The following ANTXR2 variants were observed in gnomAD, a reference collection of about 807,000 sequenced individuals.
ANTXR2 encodes the protein ANTXR cell adhesion molecule 2.
Under a neutral mutation model 73.7 loss-of-function variants are expected in ANTXR2, and 44 were observed. The observed-to-expected ratio is 0.60, with a 90% CI of 0.47 to 0.77. ANTXR2 has a LOEUF of 0.77. ANTXR2 is among the 30% of genes least tolerant of loss of function. ANTXR2 has a pLI of 0.00. For missense variants in ANTXR2, 604 were observed against 592.5 expected (o/e 1.02, Z -0.20); for synonymous variants, 217 against 205.9 (o/e 1.05, Z -0.46).
chr4:79,977,664 T>C lies in ANTXR2; in HGVS notation c.1385A>G (p.Gln462Arg). 6.3e-7 allele frequency: 1 copy of C among 1,581,798 alleles called. No individual in the cohort carries two copies. The highest frequency in any genetic ancestry group is 8.6e-7 in the Non-Finnish European group (1 of 1,162,904). Residue 462 changes from glutamine (Q) to arginine (R), a missense_variant, in exon 16 of 17, where the codon CAG becomes CGG. Transcript: ENST00000403729. ...TCGCATCAAAGAAACCCGGTCATAC[T>C]GCCGCCTCAACAAAGCCCAGAGAGC... ...LDALWALLRR[Q>R]YDRVSLMRPQ... is the part of the protein sequence containing the mutation.
At chr4:80,017,008 G>C (rs574701222) in intron 11 of ANTXR2, among the ~76,000 whole-genome samples, 2 of 152,358 alleles carry the variant, frequency 1.3e-5, no homozygotes, top group East Asian at 3.9e-4. Context: ...GCTGCTACTC[G>C]CAAAGTCTGT....
chr4:80,038,980 T>C (rs546578341), intron 7 of ANTXR2, among the ~76,000 whole-genome samples: 1 of 152,204 alleles, frequency 6.6e-6, no homozygotes, highest in South Asian at 2.1e-4. Context: ...GCCTTACACA[T>C]TGTTTTGTGC....
At chr4:80,027,163 G>A (rs1732482941) in intron 10 of ANTXR2, among the ~76,000 whole-genome samples, 1 of 151,926 alleles carries the variant, frequency 6.6e-6, no homozygotes, top group South Asian at 2.1e-4. Context: ...AGAAGCAAAA[G>A]GAATAATGTT....
At chr4:80,070,735 G>C (rs1307007332) in intron 2 of ANTXR2, among the ~76,000 whole-genome samples, 2 of 152,118 alleles carry the variant, frequency 1.3e-5, no homozygotes, top group Non-Finnish European at 2.9e-5. Context: ...AAAATGTTTT[G>C]ATCATCCAAG....
rs1726686147 is a variant in ANTXR2, at chr4:79,901,154, AAAAAAGAACT to A, written c.*6265_*6274del. The A allele has an allele frequency of 2.0e-5, 3 of 152,164 alleles. No individual in the cohort carries two copies. The South Asian group carries it at 6.2e-4, about 32-fold the overall frequency. The allele number at this position is 152,164 out of a possible 1,614,324, so 9.4% of individuals were successfully genotyped here. A position where few individuals can be genotyped will look rare whatever the true frequency, so the allele number is the denominator to read the frequency against. On this transcript the variant is annotated 3_prime_UTR_variant, in exon 17 of 17. Transcript: ENST00000403729. ...AGACTTTCAGAACTAGAGGATATTA[AAAAAAGAACT>A]AAAAAGAACACTTTATTGTGATAAT...
chr4:80,011,313 A>G (rs145579468), intron 11 of ANTXR2, among the ~76,000 whole-genome samples: 8,299 of 116,626 alleles, frequency 0.071, 46 homozygotes, highest in Middle Eastern at 0.13. Flanking sequence ...CTATCTATCT[A>G]TCTGTCTATC....
intron 12 of ANTXR2, among the ~76,000 whole-genome samples, chr4:80,001,683 T>C (rs1731048534): frequency 6.6e-6 from 1 of 150,988 alleles, no homozygotes; most frequent in South Asian, 2.1e-4. Context: ...TGTGGGAGTC[T>C]AAGTCTCTTT....
intron 16 of ANTXR2, among the ~76,000 whole-genome samples, chr4:79,961,165 C>T (rs962232975): frequency 3.3e-5 from 5 of 151,814 alleles, no homozygotes; most frequent in Non-Finnish European, 7.4e-5. Flanking sequence ...GTATTTAACA[C>T]ATGTAGAATA....
chr4:79,962,148 G>A (rs1729169464), intron 16 of ANTXR2, among the ~76,000 whole-genome samples: 1 of 152,070 alleles, frequency 6.6e-6, no homozygotes, highest in South Asian at 2.1e-4. Flanking sequence ...ACTAAGAAAT[G>A]TTATCAAAAA....
chr4:79,947,636 A>G (rs1027512500), intron 16 of ANTXR2, among the ~76,000 whole-genome samples: 4 of 152,130 alleles, frequency 2.6e-5, no homozygotes, highest in Non-Finnish European at 5.9e-5. Context: ...ACTTGCTCTC[A>G]AGAGGCACTA....
chr4:80,029,209 C>T (rs1732576002), intron 10 of ANTXR2, among the ~76,000 whole-genome samples: 1 of 151,972 alleles, frequency 6.6e-6, no homozygotes, highest in Admixed American at 6.6e-5. Flanking sequence ...AAGACTGTGC[C>T]CAAAGGCAAA....
intron 16 of ANTXR2, among the ~76,000 whole-genome samples, chr4:79,907,865 T>G (rs6534641): frequency 0.57 from 87,245 of 152,052 alleles, 25,355 homozygotes; most frequent in Non-Finnish European, 0.61. Flanking sequence ...GAGGATCACA[T>G]TTAGTAAGCA....
At chr4:79,974,317 A>C (rs749320984) in intron 16 of ANTXR2, among the ~76,000 whole-genome samples, 22 of 152,222 alleles carry the variant, frequency 1.4e-4, no homozygotes, top group Non-Finnish European at 2.8e-4. Flanking sequence ...ATAGAATCAT[A>C]ATATGTATCT....
At chr4:79,963,795 T>C (rs1261975961) in intron 16 of ANTXR2, among the ~76,000 whole-genome samples, 3 of 152,044 alleles carry the variant, frequency 2.0e-5, no homozygotes, top group African/African-American at 7.3e-5. Context: ...AATTAAGGAG[T>C]TTTTGCAGTA....
intron 12 of ANTXR2, among the ~76,000 whole-genome samples, chr4:80,000,720 C>T (rs1730988761): frequency 6.6e-6 from 1 of 152,066 alleles, no homozygotes; most frequent in Non-Finnish European, 1.5e-5. Context: ...ATGTTTCTGA[C>T]TTTGACATGT....
chr4:79,907,535 G>A, intron 16 of ANTXR2, 68 bp from the exon 17 acceptor site: 1 of 1,465,660 alleles, frequency 6.8e-7, no homozygotes, highest in Non-Finnish European at 9.5e-7. Context: ...AGAACATCTA[G>A]TTTTCCTACC....
chr4:79,993,760 G>GCACACACACCCA (rs1553931145), intron 12 of ANTXR2, among the ~76,000 whole-genome samples: 3 of 140,658 alleles, frequency 2.1e-5, no homozygotes, highest in Non-Finnish European at 4.8e-5. Flanking sequence ...ACACACACAC[G>GCACACACACCCA]CACACACACA....
intron 11 of ANTXR2, among the ~76,000 whole-genome samples, chr4:80,017,243 T>C (rs1731916788): frequency 6.6e-6 from 1 of 152,218 alleles, no homozygotes; most frequent in Admixed American, 6.5e-5. Flanking sequence ...TCTTGAAACT[T>C]GCCAGAGACT....
At chr4:79,983,690 T>C (rs1277744171) in intron 14 of ANTXR2, among the ~76,000 whole-genome samples, 188 bp downstream of exon 14, 1 of 152,132 alleles carries the variant, frequency 6.6e-6, no homozygotes, top group Admixed American at 6.5e-5. Context: ...AAACCAGTTC[T>C]TCTAGGCCAG....
Sources: gnomAD v4.1 joint callset for allele counts (sites outside exome capture counted in the v4.1 genomes callset) on GRCh38, gnomAD v4.1.1 for gene constraint, MANE v1.5 for transcripts, NCBI Gene and HGNC (gene_info 2026-07-23, HGNC 2026-07-21) for gene names.